The following TBL1XR1 variants were observed in gnomAD, a reference collection of about 807,000 sequenced individuals.
The protein encoded by TBL1XR1 is TBL1X/Y related 1.
A neutral mutation model predicts 66.9 loss-of-function variants in TBL1XR1; 5 were observed. The observed-to-expected ratio is 0.07, with a 90% CI of 0.04 to 0.16. The LOEUF (loss-of-function observed/expected upper bound fraction) is 0.16. TBL1XR1 is among the 10% of genes least tolerant of loss of function. TBL1XR1 has a pLI of 1.00. For synonymous variants in TBL1XR1, 210 were observed against 206.0 expected (o/e 1.02, Z -0.17); for missense variants, 238 against 623.2 (o/e 0.38, Z 6.58).
chr3:177,027,897 G>A (rs1713383967), intron 14 of TBL1XR1: 2 of 152,058 alleles, frequency 1.3e-5, no homozygotes, highest in African/African-American at 4.8e-5. Flanking sequence ...GAAAAAAGTA[G>A]AACCAACAAA....
chr3:177,030,082 T>C (rs915480511), intron 14 of TBL1XR1, among the ~76,000 whole-genome samples: 2 of 151,882 alleles, frequency 1.3e-5, no homozygotes, highest in East Asian at 3.9e-4. Flanking sequence ...TTACAGGATA[T>C]GCTATGCACA....
At chr3:177,190,661 C>A (rs1736032415) in intron 1 of TBL1XR1, among the ~76,000 whole-genome samples, 1 of 152,144 alleles carries the variant, frequency 6.6e-6, no homozygotes. Flanking sequence ...ATTTTTCTTC[C>A]TTTGCAACTC....
intron 10 of TBL1XR1, among the ~76,000 whole-genome samples, chr3:177,041,735 G>A (rs1231031774): frequency 6.6e-6 from 1 of 152,194 alleles, no homozygotes; most frequent in Admixed American, 6.5e-5. Context: ...ACCCAGGAGG[G>A]CTATTGTAAG....
intron 1 of TBL1XR1, among the ~76,000 whole-genome samples, chr3:177,127,505 T>C (rs1315944737): frequency 2.0e-5 from 3 of 148,330 alleles, no homozygotes; most frequent in Non-Finnish European, 2.9e-5. Flanking sequence ...ATTGCAATCA[T>C]TGTTGTTACT....
chr3:177,196,754 G>T (rs1253028672), intron 1 of TBL1XR1, among the ~76,000 whole-genome samples: 12 of 150,784 alleles, frequency 8.0e-5, no homozygotes, highest in African/African-American at 2.7e-4. Context: ...AAACACACAC[G>T]CACAAAAAGG....
Position 177,095,725 on chromosome 3 carries a change from G to A in TBL1XR1, c.-46+2741C>T, listed in dbSNP as rs148839501. 2.6e-3 allele frequency among the ~76,000 whole-genome samples: 395 copies of A among 152,098 alleles called. 2 individuals carry two copies. Among genetic ancestry groups the A allele is most frequent in the African/African-American group, 9.0e-3 (374 of 41,510 alleles). On this transcript the variant is annotated intron_variant, in intron 2 of 15. Coordinates refer to ENST00000457928, the MANE Select transcript of TBL1XR1 (RefSeq NM_024665.7). ...GAATTCCTGATCTCACAAGTGATCC[G>A]CCTGCCTCGGCCTCCCCAAAGTGCT...
At chr3:177,170,363 CCT>C (rs1275390893) in intron 1 of TBL1XR1, among the ~76,000 whole-genome samples, 1 of 152,136 alleles carries the variant, frequency 6.6e-6, no homozygotes, top group East Asian at 1.9e-4. Flanking sequence ...CACTAATATT[CCT>C]CTTTTTGGAA....
chr3:177,142,364 C>A (rs565400315), intron 1 of TBL1XR1, among the ~76,000 whole-genome samples: 1 of 152,174 alleles, frequency 6.6e-6, no homozygotes, highest in Admixed American at 6.5e-5. Context: ...CTTAATTACA[C>A]GCAAACTAAG....
rs139571196 is a variant in TBL1XR1 at position 177,144,390 on chromosome 3, C to CAT, written c.-121-45850_-121-45849insAT. 3.2e-3 allele frequency among the ~76,000 whole-genome samples: 481 copies of CAT among 152,236 alleles called. 7 individuals carry two copies. Among genetic ancestry groups the CAT allele is most frequent in the African/African-American group, 0.011 (463 of 41,526 alleles). On this transcript the variant is annotated intron_variant, in intron 1 of 15. Transcript: ENST00000457928. Reference sequence around the variant, plus strand: ...TAGAAAACGTTTTTCTGTAAAGGGCCAGATAGTAATTCTTCCAAGGCCAAA... The same window carrying CAT: ...TAGAAAACGTTTTTCTGTAAAGGGCCATAGATAGTAATTCTTCCAAGGCCAAA...
In TBL1XR1 at chr3:177,047,292, GC is replaced by G. The variant is rs759600864; in HGVS notation, c.864+7del. On this transcript the variant is annotated splice_region_variant and intron_variant, in intron 9 of 15. Coordinates refer to ENST00000457928, the MANE Select transcript of TBL1XR1 (RefSeq NM_024665.7). ...CATTTGCCTTTACAGAACTTAATGAGCTTTTACCTTGTCTACTCCAGCACTT... is the reference window on the plus strand; with the variant it reads ...CATTTGCCTTTACAGAACTTAATGAGTTTTACCTTGTCTACTCCAGCACTT... 4.5e-6 allele frequency: 7 copies of G among 1,551,474 alleles called. No homozygotes were observed. Among genetic ancestry groups the G allele is most frequent in the Admixed American group, 2.0e-5 (1 of 51,202 alleles).
At position 177,091,356 on chromosome 3, in the gene TBL1XR1, TTTTG is replaced by T. The variant is rs549639966; in HGVS notation, c.-46+7106_-46+7109del. Among the ~76,000 whole-genome samples, 571 of 152,254 alleles carry T rather than the reference TTTTG, an allele frequency of 3.8e-3. 1 individual carries two copies. Among genetic ancestry groups the T allele is most frequent in the African/African-American group, 0.012 (516 of 41,548 alleles). On this transcript the variant is annotated intron_variant, in intron 2 of 15. Transcript: ENST00000457928. ...ACTTTATATGTCATTTATACTCTAC[TTTTG>T]TTTAATACATTATTTTCTATTATGT...
At position 177,051,634 on chromosome 3, in the gene TBL1XR1, A is replaced by G. The variant is rs1418550335; in HGVS notation, c.297T>C (p.Tyr99=). 7 of 1,613,394 alleles carry G rather than the reference A, an allele frequency of 4.3e-6. No individual in the cohort carries two copies. The highest frequency in any genetic ancestry group is 5.9e-6 in the Non-Finnish European group (7 of 1,179,716). ...CCTGTTGCTGTGCAAGCTTATCTCT[A>G]TAAGCTTGTTGTCTTGTTTGTACTA... ...PDVVQTRQQA[Y]RDKLAQQQAA... is the part of the protein sequence containing the mutation. Residue 99 remains tyrosine (Y), a synonymous_variant, in exon 5 of 16, where the codon TAT becomes TAC. Coordinates refer to ENST00000457928, the MANE Select transcript of TBL1XR1 (RefSeq NM_024665.7).
chr3:177,154,563 ATT>A (rs1231088738), intron 1 of TBL1XR1, among the ~76,000 whole-genome samples: 1 of 151,958 alleles, frequency 6.6e-6, no homozygotes, highest in Admixed American at 6.6e-5. Flanking sequence ...TGCCCAGCTA[ATT>A]TTTGTTTTTT....
At chr3:177,195,662 A>C (rs1267411577) in intron 1 of TBL1XR1, 3 of 151,872 alleles carry the variant, frequency 2.0e-5, no homozygotes, top group Non-Finnish European at 4.4e-5. Context: ...CTGGTGAAGA[A>C]GCCTTTAGGA....
intron 2 of TBL1XR1, among the ~76,000 whole-genome samples, chr3:177,075,329 C>CTT (rs1481907125): frequency 6.6e-6 from 1 of 152,204 alleles, no homozygotes; most frequent in Non-Finnish European, 1.5e-5. Flanking sequence ...AAATTTCCCT[C>CTT]TTTTTATAAA....
chr3:177,159,194 T>TA (rs1473067248), intron 1 of TBL1XR1, among the ~76,000 whole-genome samples: 1 of 151,974 alleles, frequency 6.6e-6, no homozygotes, highest in African/African-American at 2.4e-5. Flanking sequence ...ACCATAGGTT[T>TA]AAAAAGCTGA....
chr3:177,108,852 AGAAG>A (rs1725204034), intron 1 of TBL1XR1, among the ~76,000 whole-genome samples: 1 of 152,190 alleles, frequency 6.6e-6, no homozygotes, highest in Non-Finnish European at 1.5e-5. Context: ...CAGAGCAAAT[AGAAG>A]GAAGGAAGAA....
chr3:177,186,526 A>G (rs1016417186), intron 1 of TBL1XR1, among the ~76,000 whole-genome samples: 1 of 152,232 alleles, frequency 6.6e-6, no homozygotes, highest in African/African-American at 2.4e-5. Context: ...ACAGAAATGT[A>G]GCAACATTAG....
At chr3:177,088,914 G>GA (rs200766656) in intron 2 of TBL1XR1, among the ~76,000 whole-genome samples, 204 of 152,220 alleles carry the variant, frequency 1.3e-3, no homozygotes, top group East Asian at 7.7e-3. Flanking sequence ...GATTAAAAAT[G>GA]AAAGTAACAA....
Sources: gnomAD v4.1 joint callset for allele counts (sites outside exome capture counted in the v4.1 genomes callset) on GRCh38, gnomAD v4.1.1 for gene constraint, MANE v1.5 for transcripts, NCBI Gene and HGNC (gene_info 2026-07-23, HGNC 2026-07-21) for gene names.